DIP2B: variants seen among roughly 807,000 people sequenced by gnomAD.
DIP2B encodes DIP2 acetate--CoA ligase B (putative), also known as disco-interacting protein 2 homolog B.
In DIP2B, 76 loss-of-function variants were observed where a neutral mutation model predicts 198.0. The observed-to-expected ratio is 0.38, with a 90% CI of 0.32 to 0.46. The LOEUF (loss-of-function observed/expected upper bound fraction) is 0.46, where lower values mean the gene tolerates loss of function less well. Ranked by LOEUF, DIP2B falls within the 20% of genes least tolerant of loss-of-function variation. DIP2B has a pLI of 0.99. For missense variants in DIP2B, 1,559 were observed against 1,978.4 expected, an observed-to-expected ratio of 0.79 and a Z score of 4.02; for synonymous variants, 701 against 739.1, an observed-to-expected ratio of 0.95 and a Z score of 0.84.
chr12:50,578,709 C>G (rs1314165093), intron 1 of DIP2B, among the ~76,000 whole-genome samples: 1 of 151,478 alleles, frequency 6.6e-6, no homozygotes, highest in South Asian at 2.1e-4. Flanking sequence ...AGGGTTTCAC[C>G]GTGTTAGCCA....
chr12:50,654,974 G>A (rs1333530039), intron 3 of DIP2B: 1 of 445,476 alleles, frequency 2.2e-6, no homozygotes, highest in East Asian at 7.0e-5. Flanking sequence ...TTTTCAAGAT[G>A]TGACAAAATT....
rs1957955609 is a variant in DIP2B at position 50,505,209 on chromosome 12, G to A, written c.69G>A (p.Gln23=). ...CGCTGCCGCCTGAAGTGCGGGCGCA[G>A]CTGGCGGAGCTGGAGCTGGAGCTCT... ...VAALPPEVRA[Q]LAELELELSE... Residue 23 remains glutamine, a synonymous_variant, in exon 1 of 38, where the codon CAG becomes CAA. Transcript: ENST00000301180. 6.6e-7 allele frequency: 1 copy of A among 1,522,394 alleles called. No homozygotes were observed. The highest frequency in any genetic ancestry group is 2.6e-5 in the East Asian group (1 of 39,212). 94.3% of individuals were successfully genotyped at this position (1,522,394 alleles called of 1,614,324 possible). A position where few individuals can be genotyped will look rare whatever the true frequency, so the allele number is the denominator to read the frequency against.
At chr12:50,644,507 C>T (rs951017276) in intron 3 of DIP2B, among the ~76,000 whole-genome samples, 4 of 152,164 alleles carry the variant, frequency 2.6e-5, no homozygotes, top group Admixed American at 6.5e-5. Flanking sequence ...TCCAAAGTCA[C>T]TTGTGTCTGG....
chr12:50,597,422 G>A (rs1422358238), intron 1 of DIP2B, among the ~76,000 whole-genome samples: 4 of 152,178 alleles, frequency 2.6e-5, no homozygotes, highest in African/African-American at 4.8e-5. Flanking sequence ...ACTGGAGTAC[G>A]CAGACAGCAG....
At chr12:50,678,581 A>G in intron 7 of DIP2B, 98 bp from the exon 8 acceptor site, 1 of 1,303,066 alleles carries the variant, frequency 7.7e-7, no homozygotes, top group East Asian at 2.3e-5. Context: ...AACCAGGTAA[A>G]TATGAAGTGA....
rs778254588 is a variant in DIP2B at position 50,626,091 on chromosome 12, C to T, written c.172+44C>T. 1.7e-5 allele frequency: 26 copies of T among 1,573,078 alleles called. No homozygotes were observed. The East Asian group carries it at 5.2e-4, about 31-fold the overall frequency. On this transcript the variant is annotated intron_variant, in intron 2 of 37. Coordinates refer to ENST00000301180, the MANE Select transcript of DIP2B (RefSeq NM_173602.3). ...TTTCAACTTTTTCAGTATTTTTACACCAAAAGATGCTGTCTTACAAGACCT... is the reference window on the plus strand; with the variant it reads ...TTTCAACTTTTTCAGTATTTTTACATCAAAAGATGCTGTCTTACAAGACCT...
chr12:50,547,613 T>C (rs1958388962), intron 1 of DIP2B, among the ~76,000 whole-genome samples: 1 of 152,216 alleles, frequency 6.6e-6, no homozygotes, highest in African/African-American at 2.4e-5. Context: ...GAGAAATCTC[T>C]GTACCTTCTG....
intron 1 of DIP2B, among the ~76,000 whole-genome samples, chr12:50,592,451 C>T (rs188089544): frequency 1.1e-4 from 17 of 152,114 alleles, no homozygotes; most frequent in African/African-American, 2.2e-4. Flanking sequence ...GCCACTGCGC[C>T]GGGCCTTAAC....
chr12:50,533,343 A>G (rs992390107), intron 1 of DIP2B, among the ~76,000 whole-genome samples: 2 of 152,178 alleles, frequency 1.3e-5, no homozygotes, highest in Non-Finnish European at 2.9e-5. Flanking sequence ...TAACCCAACC[A>G]AGATGATTGT....
intron 1 of DIP2B, among the ~76,000 whole-genome samples, chr12:50,552,235 G>C (rs1012591463): frequency 6.6e-6 from 1 of 150,934 alleles, no homozygotes; most frequent in Non-Finnish European, 1.5e-5. Context: ...TTTTTTAATT[G>C]GGTTTTTTGT....
At chr12:50,681,039 T>C (rs1288339074) in intron 9 of DIP2B, among the ~76,000 whole-genome samples, 1 of 152,168 alleles carries the variant, frequency 6.6e-6, no homozygotes, top group Non-Finnish European at 1.5e-5. Flanking sequence ...CCTTAGTCTT[T>C]CCAGAAATAA....
chr12:50,534,298 G>A (rs538327754), intron 1 of DIP2B, among the ~76,000 whole-genome samples: 7 of 151,008 alleles, frequency 4.6e-5, no homozygotes, highest in African/African-American at 1.7e-4. Context: ...TATTATGTAT[G>A]TGTGTCTAAA....
chr12:50,579,781 G>T (rs1958707418), intron 1 of DIP2B, among the ~76,000 whole-genome samples: 1 of 145,606 alleles, frequency 6.9e-6, no homozygotes, highest in Admixed American at 7.0e-5. Context: ...CCACATTTTT[G>T]GAGAACTGCA....
chr12:50,583,837 C>T (rs1472983499), intron 1 of DIP2B, among the ~76,000 whole-genome samples: 1 of 152,156 alleles, frequency 6.6e-6, no homozygotes, highest in African/African-American at 2.4e-5. Flanking sequence ...GACAGCACAA[C>T]TCTTGGAAGA....
At chr12:50,707,526 A>G (rs1479460796) in intron 21 of DIP2B, among the ~76,000 whole-genome samples, 1 of 152,252 alleles carries the variant, frequency 6.6e-6, no homozygotes, top group African/African-American at 2.4e-5. Context: ...TCATGCATTC[A>G]TTCAACAAAT....
intron 1 of DIP2B, among the ~76,000 whole-genome samples, chr12:50,530,898 G>A (rs1486096294): frequency 2.0e-5 from 3 of 152,100 alleles, no homozygotes; most frequent in Non-Finnish European, 2.9e-5. Flanking sequence ...GAGGTTTTGG[G>A]GACATGCAAA....
At chr12:50,629,349 AG>A (rs1937998540) in intron 2 of DIP2B, among the ~76,000 whole-genome samples, 1 of 152,142 alleles carries the variant, frequency 6.6e-6, no homozygotes, top group African/African-American at 2.4e-5. Flanking sequence ...GAATCACTGG[AG>A]GGCTTGTTAA....
At chr12:50,530,415 A>G (rs148780042) in intron 1 of DIP2B, among the ~76,000 whole-genome samples, 4 of 152,324 alleles carry the variant, frequency 2.6e-5, no homozygotes, top group African/African-American at 4.8e-5. Flanking sequence ...AGAGCATCAT[A>G]TAGCATCTTT....
At chr12:50,586,636 G>T (rs771832193) in intron 1 of DIP2B, among the ~76,000 whole-genome samples, 16 of 151,346 alleles carry the variant, frequency 1.1e-4, no homozygotes, top group Middle Eastern at 3.4e-3. Flanking sequence ...GCAGTGGTGT[G>T]ATCTCGGCTC....
Sources: allele counts gnomAD v4.1 joint callset (sites outside exome capture counted in the v4.1 genomes callset), GRCh38; gene constraint gnomAD v4.1.1; transcripts MANE v1.5; gene names NCBI Gene and HGNC (gene_info 2026-07-23, HGNC 2026-07-21).